DNAH8: variants seen among roughly 807,000 people sequenced by gnomAD.
DNAH8 encodes axonemal beta dynein heavy chain 8.
In DNAH8, 382 loss-of-function variants were observed where a neutral mutation model predicts 562.1. That is an observed-to-expected ratio of 0.68 (90% CI 0.63 to 0.74). The LOEUF (loss-of-function observed/expected upper bound fraction) is 0.74, where lower values mean the gene tolerates loss of function less well. DNAH8 is among the 30% of genes least tolerant of loss of function. DNAH8 has a pLI of 0.00. For missense variants in DNAH8, 5,203 were observed against 5,620.4 expected (o/e 0.93, Z 2.37); for synonymous variants, 1,881 against 1,919.4 (o/e 0.98, Z 0.52).
chr6:38,761,794 G>A lies in DNAH8; in HGVS notation c.1608G>A (p.Lys536=). Reference sequence around the variant, plus strand: ...ATCAGGAAACGCCAGTTGTACTAAAGAAAATTCAGGTTTGTAGAAGTACTT... The same window carrying A: ...ATCAGGAAACGCCAGTTGTACTAAAAAAAATTCAGGTTTGTAGAAGTACTT... ...VWDQETPVVL[K]KIQDCIFLFK... is the part of the protein sequence containing the mutation. The change falls in exon 11 of 93, where the codon AAG becomes AAA. Residue 536 remains lysine (K), a synonymous_variant. Coordinates refer to ENST00000327475, the MANE Select transcript of DNAH8 (RefSeq NM_001206927.2). 1 of 1,543,388 alleles carries A rather than the reference G, an allele frequency of 6.5e-7. No homozygotes were observed.
chr6:38,886,531 A>G (rs1778936642), intron 56 of DNAH8, among the ~76,000 whole-genome samples: 1 of 152,334 alleles, frequency 6.6e-6, no homozygotes, highest in Admixed American at 6.5e-5. Flanking sequence ...TATAACTCAC[A>G]TATCTAAATT....
Position 38,826,152 on chromosome 6 carries a change from T to C in DNAH8, c.3848-4T>C. On this transcript the variant is annotated splice_polypyrimidine_tract_variant and splice_region_variant and intron_variant, in intron 28 of 92. Coordinates refer to ENST00000327475, the MANE Select transcript of DNAH8 (RefSeq NM_001206927.2). ...CTAATTTAATTTCTTCTTGTCTTCATCAGAGCCGATGAAATTGGCCTTATC... is the reference window on the plus strand; with the variant it reads ...CTAATTTAATTTCTTCTTGTCTTCACCAGAGCCGATGAAATTGGCCTTATC... The C allele has an allele frequency of 6.3e-7, 1 of 1,585,116 alleles. No individual in the cohort carries two copies. The highest frequency in any genetic ancestry group is 8.6e-7 in the Non-Finnish European group (1 of 1,163,796).
chr6:38,750,509 A>C lies in DNAH8; in HGVS notation c.1327A>C (p.Thr443Pro). Reference protein sequence around the residue: ...WRDLDARITDTANESKDNVRY... With the variant: ...WRDLDARITDPANESKDNVRY... Reference sequence around the variant, plus strand: ...TGATTTGGATGCAAGAATCACTGATACAGCAAATGAATCCAAAGATAATGT... The same window carrying C: ...TGATTTGGATGCAAGAATCACTGATCCAGCAAATGAATCCAAAGATAATGT... Residue 443 changes from threonine to proline, a missense_variant, in exon 9 of 93, where the codon ACA (threonine) becomes CCA (proline). Physicochemically the swap from Thr to Pro is conservative, Grantham distance 38. This residue lies in a region of DNAH8 where 2,176 missense variants were observed against 2,365.1 expected (regional missense o/e 0.92). Transcript: ENST00000327475. 1 of 1,611,958 alleles carries C rather than the reference A, an allele frequency of 6.2e-7. No individual in the cohort carries two copies. Among genetic ancestry groups the C allele is most frequent in the South Asian group, 1.1e-5 (1 of 90,584 alleles).
At chr6:38,844,156 T>C (rs1419182804) in intron 35 of DNAH8, among the ~76,000 whole-genome samples, 1 of 152,126 alleles carries the variant, frequency 6.6e-6, no homozygotes, top group East Asian at 1.9e-4. Context: ...GTACTCCTTT[T>C]CCTATAGATC....
Position 38,828,121 on chromosome 6 carries a change from G to A in DNAH8, c.4084-63G>A, listed in dbSNP as rs77232597. The A allele has an allele frequency of 7.6e-4, 785 of 1,031,652 alleles. 3 individuals carry two copies. In the African/African-American group the frequency reaches 0.01, roughly 14 times the overall value. The allele number at this position is 1,031,652 out of a possible 1,614,324, so 63.9% of individuals were successfully genotyped here. A position where few individuals can be genotyped will look rare whatever the true frequency, so the allele number is the denominator to read the frequency against. ...ACATAGGAATGTGTTTCTAGAAGGCGTCTAAATCATTTGGCAATGGCTTTC... is the reference window on the plus strand; with the variant it reads ...ACATAGGAATGTGTTTCTAGAAGGCATCTAAATCATTTGGCAATGGCTTTC... On this transcript the variant is annotated intron_variant, in intron 29 of 92. Coordinates refer to ENST00000327475, the MANE Select transcript of DNAH8 (RefSeq NM_001206927.2).
At chr6:38,821,352 TG>T (rs1329580014) in intron 26 of DNAH8, among the ~76,000 whole-genome samples, 1 of 152,186 alleles carries the variant, frequency 6.6e-6, no homozygotes, top group Non-Finnish European at 1.5e-5. Context: ...ATCATGCTCA[TG>T]GGTTGGAAGA....
At chr6:38,769,610 T>C (rs1767366050) in intron 11 of DNAH8, among the ~76,000 whole-genome samples, 1 of 152,162 alleles carries the variant, frequency 6.6e-6, no homozygotes, top group Non-Finnish European at 1.5e-5. Flanking sequence ...CCCAAAGATG[T>C]CTGTGTGCTT....
chr6:38,909,669 T>A lies in DNAH8; in HGVS notation c.9665T>A (p.Ile3222Asn). 2 of 1,614,142 alleles carry A rather than the reference T, an allele frequency of 1.2e-6. No homozygotes were observed. Among genetic ancestry groups the A allele is most frequent in the South Asian group, 1.1e-5 (1 of 91,082 alleles). Residue 3222 changes from isoleucine to asparagine, a missense_variant, in exon 65 of 93, where the codon ATT becomes AAT. Transcript: ENST00000327475. ...SDYNIVCSSE[I>N]KRQVVETMGL... ...TATAATATTGTCTGCTCTAGTGAAATTAAAAGACAAGTTGTAGAAACAATG... is the reference window on the plus strand; with the variant it reads ...TATAATATTGTCTGCTCTAGTGAAAATAAAAGACAAGTTGTAGAAACAATG...
At chr6:38,815,784 A>G (rs1772204935) in intron 26 of DNAH8, 127 bp downstream of exon 26, 4 of 928,714 alleles carry the variant, frequency 4.3e-6, no homozygotes, top group Admixed American at 3.0e-5. Flanking sequence ...CATCTTAAAC[A>G]TAACGTGCAG....
chr6:39,026,737 C>T, intron 92 of DNAH8, 70 bp downstream of exon 92: 1 of 1,554,510 alleles, frequency 6.4e-7, no homozygotes, highest in Non-Finnish European at 8.8e-7. Flanking sequence ...CTGCTTAAAA[C>T]TGAGCTATGA....
chr6:38,796,651 T>C (rs1024057940), intron 21 of DNAH8, among the ~76,000 whole-genome samples: 1 of 152,200 alleles, frequency 6.6e-6, no homozygotes, highest in African/African-American at 2.4e-5. Flanking sequence ...TGTCCTGTTC[T>C]GTTTCGTTCT....
intron 32 of DNAH8, among the ~76,000 whole-genome samples, chr6:38,836,472 C>A (rs1377591470): frequency 2.7e-4 from 34 of 125,340 alleles, no homozygotes; most frequent in East Asian, 4.5e-4. Context: ...ACAACAACAA[C>A]AAAAAAACCC....
At chr6:38,892,254 T>C (rs746495487) in intron 58 of DNAH8, among the ~76,000 whole-genome samples, 10 of 152,170 alleles carry the variant, frequency 6.6e-5, no homozygotes, top group Non-Finnish European at 8.8e-5. Flanking sequence ...CCTGTGCTGA[T>C]GACTTCAAAA....
intron 74 of DNAH8, among the ~76,000 whole-genome samples, chr6:38,927,203 A>T (rs1046802556): frequency 3.5e-4 from 53 of 152,232 alleles, no homozygotes; most frequent in African/African-American, 1.2e-3. Flanking sequence ...ACTTGGTAAA[A>T]TTCAATGCTC....
intron 13 of DNAH8, among the ~76,000 whole-genome samples, chr6:38,776,953 A>G (rs1768132412): frequency 6.6e-6 from 1 of 152,186 alleles, no homozygotes. Context: ...ACACTTTTTA[A>G]GTCTGATATC....
At chr6:38,961,917 G>A (rs1230182764) in intron 82 of DNAH8, among the ~76,000 whole-genome samples, 1 of 151,774 alleles carries the variant, frequency 6.6e-6, no homozygotes, top group African/African-American at 2.4e-5. Context: ...CAATATAATT[G>A]TCTAACAAAA....
At position 38,851,628 on chromosome 6, in the gene DNAH8, T is replaced by G. The variant is rs1361990554; in HGVS notation, c.5420T>G (p.Val1807Gly). The change falls in exon 39 of 93, where the codon GTT (valine) becomes GGT (glycine). Residue 1807 changes from valine to glycine, a missense_variant. Coordinates refer to ENST00000327475, the MANE Select transcript of DNAH8 (RefSeq NM_001206927.2). ...AGATTCTTCTTTGTATCTGATCCAG[T>G]TCTCCTGGAAATTCTTGGACAAGCC... is the stretch of plus-strand genomic sequence containing the variant. ...FPRFFFVSDP[V>G]LLEILGQASD... 10 of 1,612,068 alleles carry G rather than the reference T, an allele frequency of 6.2e-6. No homozygotes were observed. The highest frequency in any genetic ancestry group is 7.6e-6 in the Non-Finnish European group (9 of 1,179,330).
At chr6:38,757,929 T>A (rs562698264) in intron 10 of DNAH8, among the ~76,000 whole-genome samples, 1 of 152,204 alleles carries the variant, frequency 6.6e-6, no homozygotes, top group Non-Finnish European at 1.5e-5. Flanking sequence ...TGTAGCCTTG[T>A]AGTATAGTTT....
At chr6:38,818,281 A>G (rs1772469916) in intron 26 of DNAH8, among the ~76,000 whole-genome samples, 1 of 152,052 alleles carries the variant, frequency 6.6e-6, no homozygotes, top group Non-Finnish European at 1.5e-5. Context: ...TTCTCTCCCT[A>G]GTCCATTCTA....
Sources: gnomAD v4.1 joint callset for allele counts (sites outside exome capture counted in the v4.1 genomes callset) on GRCh38, gnomAD v4.1.1 for gene constraint, gnomAD v4.1.1 regional missense constraint, MANE v1.5 for transcripts, NCBI Gene and HGNC (gene_info 2026-07-23, HGNC 2026-07-21) for gene names.